The following NBEA variants were observed in gnomAD, a reference collection of about 807,000 sequenced individuals.
NBEA encodes the protein lysosomal-trafficking regulator 2.
Under a neutral mutation model 343.4 loss-of-function variants are expected in NBEA, and 44 were observed. That is an observed-to-expected ratio of 0.13 (90% confidence interval 0.10 to 0.16). NBEA has a LOEUF of 0.16. NBEA is among the 10% of genes least tolerant of loss of function. The pLI, the probability that NBEA is intolerant of heterozygous loss-of-function variation, is 1.00. For missense variants in NBEA, 2,555 were observed against 3,631.3 expected (o/e 0.70, Z 7.62); for synonymous variants, 1,175 against 1,238.7 (o/e 0.95, Z 1.08).
chr13:35,439,055 A>G (rs1306499203), intron 39 of NBEA, among the ~76,000 whole-genome samples: 1 of 152,170 alleles, frequency 6.6e-6, no homozygotes, highest in Non-Finnish European at 1.5e-5. Context: ...AGACTGAGAC[A>G]ATCAGTTTCT....
At chr13:35,251,493 C>A in intron 34 of NBEA, 2 of 1,093,526 alleles carry the variant, frequency 1.8e-6, no homozygotes, top group Non-Finnish European at 2.2e-6. Flanking sequence ...TGAGTGATGA[C>A]CTTGTGGAGT....
chr13:34,954,480 G>A (rs1230184601), intron 1 of NBEA, among the ~76,000 whole-genome samples: 3 of 152,010 alleles, frequency 2.0e-5, no homozygotes, highest in African/African-American at 4.8e-5. Context: ...ATTCAGCTTC[G>A]GCACAAATCT....
chr13:35,365,293 A>T (rs2041036675), intron 38 of NBEA, among the ~76,000 whole-genome samples: 1 of 151,760 alleles, frequency 6.6e-6, no homozygotes, highest in African/African-American at 2.4e-5. Context: ...TAACTCTCAC[A>T]AATATTAAAC....
At chr13:35,164,544 T>C in intron 24 of NBEA, 35 bp downstream of exon 24, 1 of 1,585,294 alleles carries the variant, frequency 6.3e-7, no homozygotes, top group Non-Finnish European at 8.6e-7. Flanking sequence ...GGTTATATTT[T>C]ATAAATACAT....
chr13:35,093,276 A>G (rs1327247850), intron 10 of NBEA, among the ~76,000 whole-genome samples: 1 of 151,470 alleles, frequency 6.6e-6, no homozygotes, highest in Non-Finnish European at 1.5e-5. Flanking sequence ...GTGGTTATAC[A>G]AATCTATGTA....
intron 8 of NBEA, among the ~76,000 whole-genome samples, chr13:35,066,152 G>C (rs1199146175): frequency 6.6e-6 from 1 of 151,986 alleles, no homozygotes; most frequent in Admixed American, 6.6e-5. Flanking sequence ...ATGGAGACAG[G>C]GTCTTGCTCT....
chr13:35,159,963 T>C lies in NBEA; in HGVS notation c.3792T>C (p.Thr1264=). Residue 1264 remains threonine, a synonymous_variant, in exon 22 of 59, where the codon ACT becomes ACC. Transcript: ENST00000379939. ...ATGCAGGAAGTATAATTTCAGATAC[T>C]GAAAGGTCTGACGATGGCAAAGAAT... ...NIDAGSIISD[T]ERSDDGKESG... 6.3e-7 allele frequency: 1 copy of C among 1,595,132 alleles called. No homozygotes were observed. Among genetic ancestry groups the C allele is most frequent in the Non-Finnish European group, 8.5e-7 (1 of 1,170,308 alleles).
At chr13:35,088,450 G>T (rs1474888042) in intron 10 of NBEA, among the ~76,000 whole-genome samples, 2 of 151,846 alleles carry the variant, frequency 1.3e-5, no homozygotes, top group Non-Finnish European at 2.9e-5. Flanking sequence ...CCATAGCCAT[G>T]TGGATTTCTC....
chr13:35,552,847 TC>T (rs2079398805), intron 43 of NBEA, among the ~76,000 whole-genome samples: 1 of 152,146 alleles, frequency 6.6e-6, no homozygotes, highest in South Asian at 2.1e-4. Context: ...GAGTATTGTT[TC>T]CCTTTTAACC....
rs186465349 is a variant in NBEA, at chr13:35,401,648, T to C, written c.6180-30621T>C. On this transcript the variant is annotated intron_variant, in intron 38 of 58. Transcript: ENST00000379939. The stretch of plus-strand genomic sequence containing the variant: ...CTTCTAGCTCTTTTACAAAGGGTCA[T>C]TGCCATCTTTAAATAGTTCAGAATC... Among the ~76,000 whole-genome samples the C allele has an allele frequency of 3.7e-3, 564 of 152,190 alleles. 3 individuals are homozygous for C. Among genetic ancestry groups the C allele is most frequent in the Admixed American group, 7.7e-3 (117 of 15,222 alleles).
At chr13:34,951,391 G>A (rs956744997) in intron 1 of NBEA, among the ~76,000 whole-genome samples, 5 of 152,164 alleles carry the variant, frequency 3.3e-5, no homozygotes, top group African/African-American at 1.2e-4. Flanking sequence ...TATATGTAAA[G>A]TGCTTGGTAT....
At chr13:35,508,792 C>A (rs1026225888) in intron 41 of NBEA, among the ~76,000 whole-genome samples, 1 of 152,068 alleles carries the variant, frequency 6.6e-6, no homozygotes, top group African/African-American at 2.4e-5. Context: ...GAGTGGAGGT[C>A]TCAGCTGCAG....
At chr13:35,093,659 C>A (rs1566274788) in intron 10 of NBEA, among the ~76,000 whole-genome samples, 2 of 151,936 alleles carry the variant, frequency 1.3e-5, no homozygotes, top group Non-Finnish European at 2.9e-5. Context: ...GTAATTATGA[C>A]CTGTTTCCAA....
chr13:35,142,460 G>A, intron 18 of NBEA, 83 bp downstream of exon 18: 1 of 837,086 alleles, frequency 1.2e-6, no homozygotes, highest in Non-Finnish European at 1.8e-6. Flanking sequence ...ATGAGTAGTT[G>A]GTCTGTTAAT....
At chr13:35,161,614 T>C (rs1400859878) in intron 22 of NBEA, 136 bp from the exon 23 acceptor site, 8 of 760,630 alleles carry the variant, frequency 1.1e-5, no homozygotes, top group East Asian at 2.8e-5. Flanking sequence ...GTGAATAATA[T>C]ATGTGAAATA....
chr13:35,420,405 T>G (rs1242964315), intron 38 of NBEA, among the ~76,000 whole-genome samples: 1 of 152,094 alleles, frequency 6.6e-6, no homozygotes, highest in Non-Finnish European at 1.5e-5. Flanking sequence ...CTTCAGCTGT[T>G]AATGTAATGC....
At chr13:35,314,288 G>C (rs2254649) in intron 36 of NBEA, among the ~76,000 whole-genome samples, 32,487 of 152,062 alleles carry the variant, frequency 0.21, 3,883 homozygotes, top group African/African-American at 0.32. Flanking sequence ...AAAGAAACCT[G>C]AGAGGCTTGC....
intron 37 of NBEA, among the ~76,000 whole-genome samples, chr13:35,351,631 T>C (rs1338352541): frequency 6.6e-6 from 1 of 152,000 alleles, no homozygotes; most frequent in African/African-American, 2.4e-5. Context: ...TTTACAAATA[T>C]GAAACTGAGT....
intron 10 of NBEA, among the ~76,000 whole-genome samples, chr13:35,071,820 ATAT>A (rs1036836256): frequency 3.9e-5 from 6 of 152,110 alleles, no homozygotes; most frequent in Admixed American, 6.6e-5. Context: ...ATTTCTAATA[ATAT>A]TATTTCTGTT....
Sources: gnomAD v4.1 joint callset for allele counts (sites outside exome capture counted in the v4.1 genomes callset) on GRCh38, gnomAD v4.1.1 for gene constraint, MANE v1.5 for transcripts, NCBI Gene and HGNC (gene_info 2026-07-23, HGNC 2026-07-21) for gene names.